Variants in DCAF4L1 observed in about 807,000 individuals in gnomAD.
DCAF4L1 encodes the protein DDB1- and CUL4-associated factor 4-like protein 1.
In DCAF4L1, 4 loss-of-function variants were observed where a neutral mutation model predicts 28.2. The ratio of observed to expected loss-of-function variants is 0.14; its 90% CI spans 0.07 to 0.33. The LOEUF (loss-of-function observed/expected upper bound fraction) is 0.33. Among genes scored for constraint, DCAF4L1 ranks in the 10% least tolerant of loss-of-function variants. DCAF4L1 has a pLI of 1.00. For synonymous variants in DCAF4L1, 252 were observed against 212.1 expected (o/e 1.19, Z -1.63); for missense variants, 331 against 506.1 (o/e 0.65, Z 3.32).
rs1480896540 is a variant in DCAF4L1 at position 41,983,349 on chromosome 4, A to T, written c.*366A>T. 1 of 195,498 alleles carries T rather than the reference A, an allele frequency of 5.1e-6. No homozygotes were observed. Among genetic ancestry groups the T allele is most frequent in the East Asian group, 1.6e-4 (1 of 6,428 alleles). 12.1% of individuals were successfully genotyped at this position (195,498 alleles called of 1,614,324 possible). On this transcript the variant is annotated 3_prime_UTR_variant, in exon 1 of 1. Transcript: ENST00000333141. ...CAGCTTCTTTCACTAGTAGCCCTTT[A>T]GAGAAGCATAATGATGGTACTGGTA...
rs1269352223 is a variant in DCAF4L1, at chr4:41,982,297, A to G, written c.505A>G (p.Thr169Ala). Residue 169 changes from threonine to alanine, a missense_variant, in exon 1 of 1, where the codon ACA becomes GCA. Coordinates refer to ENST00000333141, the MANE Select transcript of DCAF4L1 (RefSeq NM_001029955.4). The surrounding 1 kb of genome is among the most constrained non-coding windows in gnomAD (Gnocchi z 4.4). ...AGCGTCGCGGTTCTTAAGTGTTCAC[A>G]CAAGAGTTAACCAGCCTGGCATGCT... ...LPASRFLSVH[T>A]RVNQPGMLCS... 2.5e-6 allele frequency: 4 copies of G among 1,614,068 alleles called. No individual in the cohort carries two copies. Among genetic ancestry groups the G allele is most frequent in the Non-Finnish European group, 3.4e-6 (4 of 1,180,046 alleles).
Position 41,982,049 on chromosome 4 carries a change from T to TC in DCAF4L1, c.258dup (p.Phe87LeufsTer86). The TC allele has an allele frequency of 6.2e-7, 1 of 1,614,214 alleles. No homozygotes were observed. Among genetic ancestry groups the TC allele is most frequent in the Non-Finnish European group, 8.5e-7 (1 of 1,180,038 alleles). On this transcript the variant is annotated frameshift_variant, in exon 1 of 1. Coordinates refer to ENST00000333141, the MANE Select transcript of DCAF4L1 (RefSeq NM_001029955.4). LOFTEE classifies it high-confidence loss of function. This position sits in a 1 kb window ranked among gnomAD's most constrained non-coding sequence, Gnocchi z 4.4. ...CTGGCGAGTACCAACAGCGACCAGC[T>TC]CTTCGTAGTGAACCAGGTCGAAGTC...
chr4:41,982,624 A>G lies in DCAF4L1; in HGVS notation c.832A>G (p.Ile278Val), dbSNP rs1162585015. Reference sequence around the variant, plus strand: ...TGACTCAGCAGTGACCTCTGTGCAAATCCTCCAAGAAGAGCAATGCCTGAT... The same window carrying G: ...TGACTCAGCAGTGACCTCTGTGCAAGTCCTCCAAGAAGAGCAATGCCTGAT... The part of the protein sequence containing the change: ...FHDSAVTSVQ[I>V]LQEEQCLMAS... Residue 278 changes from isoleucine to valine, a missense_variant, in exon 1 of 1, where the codon ATC (isoleucine) becomes GTC (valine). By Grantham distance (29) the Ile-to-Val change is conservative. Transcript: ENST00000333141. The surrounding 1 kb of genome is among the most constrained non-coding windows in gnomAD (Gnocchi z 4.4). 6.2e-7 allele frequency: 1 copy of G among 1,614,220 alleles called. No homozygotes were observed. Among genetic ancestry groups the G allele is most frequent in the Non-Finnish European group, 8.5e-7 (1 of 1,180,036 alleles).
At position 41,982,378 on chromosome 4, in the gene DCAF4L1, G is replaced by A. The variant is rs139209766; in HGVS notation, c.586G>A (p.Ala196Thr). Residue 196 changes from alanine (A) to threonine (T), a missense_variant, in exon 1 of 1, where the codon GCA becomes ACA. Physicochemically the swap from Ala to Thr is moderately conservative, Grantham distance 58 (BLOSUM62 0). Transcript: ENST00000333141. The surrounding 1 kb of genome is among the most constrained non-coding windows in gnomAD (Gnocchi z 4.4). ...CTGTGCGTGGTCCCTCAACACCCGG[G>A]CATATCACTGCTTTAGTGCAGGCTT... is the stretch of plus-strand genomic sequence containing the variant. ...WSCAWSLNTR[A>T]YHCFSAGLSQ... The A allele has an allele frequency of 1.7e-3, 2,670 of 1,614,220 alleles. 2 individuals are homozygous for A. Among genetic ancestry groups the A allele is most frequent in the Non-Finnish European group, 2.1e-3 (2,505 of 1,180,056 alleles).
At position 41,986,202 on chromosome 4, in the gene DCAF4L1, G is replaced by C. The variant is rs1714152404; in HGVS notation, c.*3219G>C. On this transcript the variant is annotated 3_prime_UTR_variant, in exon 1 of 1. Coordinates refer to ENST00000333141, the MANE Select transcript of DCAF4L1 (RefSeq NM_001029955.4). ...TTGCCTGTGTTGTAAGGGATGGGCT[G>C]GGGGTTCAGACGTCCTTCATAGATA... The C allele has an allele frequency of 6.0e-6, 1 of 167,048 alleles. No homozygotes were observed. The highest frequency in any genetic ancestry group is 2.1e-4 in the South Asian group (1 of 4,836). 10.3% of individuals were successfully genotyped at this position (167,048 alleles called of 1,614,324 possible). A position where few individuals can be genotyped will look rare whatever the true frequency, so the allele number is the denominator to read the frequency against.
At position 41,986,072 on chromosome 4, in the gene DCAF4L1, C is replaced by A. The variant is rs1008916155; in HGVS notation, c.*3089C>A. Reference sequence around the variant, plus strand: ...GTGGTAGTAGGCTGGACAGAAGAACCACTACTGTTTGTAAAAAGCATGCAG... The same window carrying A: ...GTGGTAGTAGGCTGGACAGAAGAACAACTACTGTTTGTAAAAAGCATGCAG... On this transcript the variant is annotated 3_prime_UTR_variant, in exon 1 of 1. Coordinates refer to ENST00000333141, the MANE Select transcript of DCAF4L1 (RefSeq NM_001029955.4). The A allele has an allele frequency of 1.2e-5, 2 of 167,092 alleles. No individual in the cohort carries two copies. Among genetic ancestry groups the A allele is most frequent in the Non-Finnish European group, 2.9e-5 (2 of 68,128 alleles). The allele number at this position is 167,092 out of a possible 1,614,324, so 10.4% of individuals were successfully genotyped here. A position where few individuals can be genotyped will look rare whatever the true frequency, so the allele number is the denominator to read the frequency against.
chr4:41,984,521 A>C lies in DCAF4L1; in HGVS notation c.*1538A>C, dbSNP rs1051554932. ...AGTGGCGCGATCTCGGCTCACTGCA[A>C]GCTCTGAGGATGGCAGCTTTTTTGT... is the stretch of plus-strand genomic sequence containing the variant. On this transcript the variant is annotated 3_prime_UTR_variant, in exon 1 of 1. Coordinates refer to ENST00000333141, the MANE Select transcript of DCAF4L1 (RefSeq NM_001029955.4). 6.2e-6 allele frequency: 1 copy of C among 162,310 alleles called. No individual in the cohort carries two copies. Among genetic ancestry groups the C allele is most frequent in the African/African-American group, 2.5e-5 (1 of 40,428 alleles). 10.1% of individuals were successfully genotyped at this position (162,310 alleles called of 1,614,324 possible).
At position 41,981,815 on chromosome 4, in the gene DCAF4L1, T is replaced by C; in HGVS notation, c.23T>C (p.Leu8Pro). 6.2e-7 allele frequency: 1 copy of C among 1,614,070 alleles called. No individual in the cohort carries two copies. The change falls in exon 1 of 1, where the codon CTC becomes CCC. Residue 8 changes from leucine (L) to proline (P), a missense_variant. Physicochemically the swap from Leu to Pro is moderately conservative, Grantham distance 98. Coordinates refer to ENST00000333141, the MANE Select transcript of DCAF4L1 (RefSeq NM_001029955.4). ...GAAATGGAGGCTGAAAGGCTGCGAC[T>C]CCTCGAGGAAGAGGCCAAGCTGAAA... MEAERLR[L>P]LEEEAKLKKV...
Position 41,986,322 on chromosome 4 carries a change from G to A in DCAF4L1, c.*3339G>A, listed in dbSNP as rs1458587811. 2.4e-5 allele frequency: 4 copies of A among 167,098 alleles called. No homozygotes were observed. Among genetic ancestry groups the A allele is most frequent in the African/African-American group, 7.2e-5 (3 of 41,458 alleles). 10.4% of individuals were successfully genotyped at this position (167,098 alleles called of 1,614,324 possible). A position where few individuals can be genotyped will look rare whatever the true frequency, so the allele number is the denominator to read the frequency against. ...ATCACAGGGTCGTTCTCAGGATATG[G>A]TTGTTACTGCTGTCAGGTGCATCCT... On this transcript the variant is annotated 3_prime_UTR_variant, in exon 1 of 1. Coordinates refer to ENST00000333141, the MANE Select transcript of DCAF4L1 (RefSeq NM_001029955.4).
At position 41,982,858 on chromosome 4, in the gene DCAF4L1, T is replaced by C. The variant is rs772953573; in HGVS notation, c.1066T>C (p.Tyr356His). 8 of 1,614,042 alleles carry C rather than the reference T, an allele frequency of 5.0e-6. No homozygotes were observed. The highest frequency in any genetic ancestry group is 1.1e-5 in the South Asian group (1 of 91,092). The change falls in exon 1 of 1, where the codon TAC (tyrosine) becomes CAC (histidine). Residue 356 changes from tyrosine to histidine, a missense_variant. Physicochemically the swap from Tyr to His is moderately conservative, Grantham distance 83. Transcript: ENST00000333141. This position sits in a 1 kb window ranked among gnomAD's most constrained non-coding sequence, Gnocchi z 4.4. ...CCTGCTCAGAACCATCCCTTCCCCG[T>C]ACTCTGCCTCCGAGGACGACATTCC... ...AHLLRTIPSP[Y>H]SASEDDIPSV...
chr4:41,982,919 G>T lies in DCAF4L1; in HGVS notation c.1127G>T (p.Arg376Leu). 1 of 1,614,054 alleles carries T rather than the reference G, an allele frequency of 6.2e-7. No individual in the cohort carries two copies. The highest frequency in any genetic ancestry group is 1.1e-5 in the South Asian group (1 of 91,066). Residue 376 changes from arginine (R) to leucine (L), a missense_variant, in exon 1 of 1, where the codon CGG becomes CTG. Coordinates refer to ENST00000333141, the MANE Select transcript of DCAF4L1 (RefSeq NM_001029955.4). The surrounding 1 kb of genome is among the most constrained non-coding windows in gnomAD (Gnocchi z 4.4). ...VAFASRLGGI[R>L]GAAPGLLMAV... is the part of the protein sequence containing the mutation. ...TTCGCTTCTCGGCTCGGGGGCATCC[G>T]GGGAGCAGCACCAGGGCTGCTCATG...
rs1325285221 is a variant in DCAF4L1, at chr4:41,985,047, AC to A, written c.*2065del. On this transcript the variant is annotated 3_prime_UTR_variant, in exon 1 of 1. Transcript: ENST00000333141. The stretch of plus-strand genomic sequence containing the variant: ...TTGTAAGCATTCAAAATAAAACAAA[AC>A]AATTAATGAAGAAAAGACATTGCAA... 6.0e-6 allele frequency: 1 copy of A among 167,032 alleles called. No individual in the cohort carries two copies. The highest frequency in any genetic ancestry group is 1.5e-5 in the Non-Finnish European group (1 of 68,114). The allele number at this position is 167,032 out of a possible 1,614,324, so 10.3% of individuals were successfully genotyped here.
At position 41,983,233 on chromosome 4, in the gene DCAF4L1, A is replaced by G; in HGVS notation, c.*250A>G. The stretch of plus-strand genomic sequence containing the variant: ...GTTTCCTCTTGTTGAATGCCTTAGA[A>G]CAGTTAACCACCTCCCCAACCCTTT... On this transcript the variant is annotated 3_prime_UTR_variant, in exon 1 of 1. Coordinates refer to ENST00000333141, the MANE Select transcript of DCAF4L1 (RefSeq NM_001029955.4). 2.6e-6 allele frequency: 1 copy of G among 387,684 alleles called. No individual in the cohort carries two copies. Among genetic ancestry groups the G allele is most frequent in the South Asian group, 5.4e-5 (1 of 18,368 alleles). 24.0% of individuals were successfully genotyped at this position (387,684 alleles called of 1,614,324 possible).
Position 41,982,579 on chromosome 4 carries a change from A to G in DCAF4L1, c.787A>G (p.Arg263Gly). The part of the protein sequence containing the change: ...LRCRNRGKGW[R>G]ATRLFHDSAV... ...TTGTAGAAATCGAGGCAAGGGGTGG[A>G]GGGCCACTCGCCTGTTCCATGACTC... Residue 263 changes from arginine to glycine, a missense_variant, in exon 1 of 1, where the codon AGG becomes GGG. By Grantham distance (125) the Arg-to-Gly change is moderately radical (BLOSUM62 -2). Coordinates refer to ENST00000333141, the MANE Select transcript of DCAF4L1 (RefSeq NM_001029955.4). The surrounding 1 kb of genome is among the most constrained non-coding windows in gnomAD (Gnocchi z 4.4). 1 of 1,614,196 alleles carries G rather than the reference A, an allele frequency of 6.2e-7. No individual in the cohort carries two copies. The highest frequency in any genetic ancestry group is 1.1e-5 in the South Asian group (1 of 91,084).
chr4:41,983,121 T>C lies in DCAF4L1; in HGVS notation c.*138T>C, dbSNP rs919914770. On this transcript the variant is annotated 3_prime_UTR_variant, in exon 1 of 1. Coordinates refer to ENST00000333141, the MANE Select transcript of DCAF4L1 (RefSeq NM_001029955.4). The stretch of plus-strand genomic sequence containing the variant: ...CATCCGGCTGCCAGGGGTAAGGTGT[T>C]AAGAGTTTTATGTGGAGACGTTCTT... 61 of 736,238 alleles carry C rather than the reference T, an allele frequency of 8.3e-5. No homozygotes were observed. The highest frequency in any genetic ancestry group is 1.2e-4 in the Non-Finnish European group (54 of 448,656). The allele number at this position is 736,238 out of a possible 1,614,324, so 45.6% of individuals were successfully genotyped here.
chr4:41,982,197 G>C lies in DCAF4L1; in HGVS notation c.405G>C (p.Leu135=), dbSNP rs1247931700. 4 of 1,614,220 alleles carry C rather than the reference G, an allele frequency of 2.5e-6. No individual in the cohort carries two copies. Among genetic ancestry groups the C allele is most frequent in the Non-Finnish European group, 2.5e-6 (3 of 1,180,038 alleles). The change falls in exon 1 of 1, where the codon CTG becomes CTC. Residue 135 remains leucine (L), a synonymous_variant. Coordinates refer to ENST00000333141, the MANE Select transcript of DCAF4L1 (RefSeq NM_001029955.4). This position sits in a 1 kb window ranked among gnomAD's most constrained non-coding sequence, Gnocchi z 4.4. ...RKVKSLCWAS[L]NQLDSHVLLC... is the part of the protein sequence containing the mutation. ...TGAAGTCCCTGTGCTGGGCCTCGCT[G>C]AACCAGTTGGACTCTCACGTTCTGC...
Position 41,985,496 on chromosome 4 carries a change from C to T in DCAF4L1, c.*2513C>T, listed in dbSNP as rs1714125101. 1 of 167,070 alleles carries T rather than the reference C, an allele frequency of 6.0e-6. No individual in the cohort carries two copies. The highest frequency in any genetic ancestry group is 1.5e-5 in the Non-Finnish European group (1 of 68,124). 10.3% of individuals were successfully genotyped at this position (167,070 alleles called of 1,614,324 possible). On this transcript the variant is annotated 3_prime_UTR_variant, in exon 1 of 1. Coordinates refer to ENST00000333141, the MANE Select transcript of DCAF4L1 (RefSeq NM_001029955.4). ...ACTTTCATATACTGTTGAGTGTATA[C>T]TGGTACAAGCACTTGGAAAAGTTAG...
At position 41,981,756 on chromosome 4, in the gene DCAF4L1, A is replaced by G; in HGVS notation, c.-37A>G. 6.3e-7 allele frequency: 1 copy of G among 1,595,506 alleles called. No individual in the cohort carries two copies. Among genetic ancestry groups the G allele is most frequent in the Non-Finnish European group, 8.6e-7 (1 of 1,168,232 alleles). On this transcript the variant is annotated 5_prime_UTR_variant, in exon 1 of 1. Coordinates refer to ENST00000333141, the MANE Select transcript of DCAF4L1 (RefSeq NM_001029955.4). ...CCTGTCACGGAGAAGAACATCCTGC[A>G]GAATTTCCTGTCACGAGGAACATTC...
In DCAF4L1 at chr4:41,982,370, A is replaced by G. The variant is rs372413047; in HGVS notation, c.578A>G (p.Asn193Ser). 4 of 1,614,068 alleles carry G rather than the reference A, an allele frequency of 2.5e-6. No individual in the cohort carries two copies. In the African/African-American group the frequency reaches 4.0e-5, roughly 16 times the overall value. ...GCCTGGTCCTGTGCGTGGTCCCTCAACACCCGGGCATATCACTGCTTTAGT... is the reference window on the plus strand; with the variant it reads ...GCCTGGTCCTGTGCGTGGTCCCTCAGCACCCGGGCATATCACTGCTTTAGT... ...PEAWSCAWSL[N>S]TRAYHCFSAG... The change falls in exon 1 of 1, where the codon AAC (asparagine) becomes AGC (serine). Residue 193 changes from asparagine to serine, a missense_variant. Physicochemically the swap from Asn to Ser is conservative, Grantham distance 46. Transcript: ENST00000333141. The surrounding 1 kb of genome is among the most constrained non-coding windows in gnomAD (Gnocchi z 4.4).
Sources: gnomAD v4.1 joint callset for allele counts on GRCh38, gnomAD v4.1.1 for gene constraint, Gnocchi (gnomAD v3.1) non-coding constraint, MANE v1.5 for transcripts, NCBI Gene and HGNC (gene_info 2026-07-23, HGNC 2026-07-21) for gene names.